The following EPC2 variants were observed in gnomAD, a reference collection of about 807,000 sequenced individuals.
The protein encoded by EPC2 is enhancer of polycomb homolog 2.
A neutral mutation model predicts 92.1 loss-of-function variants in EPC2; 14 were observed. That is an observed-to-expected ratio of 0.15 (90% CI 0.10 to 0.24). The LOEUF (loss-of-function observed/expected upper bound fraction) is 0.24. Among genes scored for constraint, EPC2 ranks in the 10% least tolerant of loss-of-function variants. The pLI is 1.00. For synonymous variants in EPC2, 340 were observed against 334.7 expected, an observed-to-expected ratio of 1.02 and a Z score of -0.17; for missense variants, 755 against 971.5, an observed-to-expected ratio of 0.78 and a Z score of 2.96.
rs924576168 is a variant in EPC2 at position 148,644,868 on chromosome 2, C to A, written c.-150C>A. 1.5e-6 allele frequency: 1 copy of A among 653,406 alleles called. No individual in the cohort carries two copies. The highest frequency in any genetic ancestry group is 2.5e-6 in the Non-Finnish European group (1 of 395,180). The allele number at this position is 653,406 out of a possible 1,614,324, so 40.5% of individuals were successfully genotyped here. On this transcript the variant is annotated 5_prime_UTR_variant, in exon 1 of 14. Transcript: ENST00000258484. The stretch of plus-strand genomic sequence containing the variant: ...GCTGTTTTCGGGCGGGGTGGGCGCC[C>A]ATGCTGTGGCCGGGGGCAGTGAGGA...
intron 1 of EPC2, among the ~76,000 whole-genome samples, chr2:148,651,935 A>C (rs182901683): frequency 7.4e-4 from 113 of 152,320 alleles, no homozygotes; most frequent in Middle Eastern, 3.4e-3. Context: ...CAGAATTTGC[A>C]CTCAGGCTGA....
At chr2:148,697,928 T>C (rs1003272796) in intron 2 of EPC2, among the ~76,000 whole-genome samples, 2 of 152,188 alleles carry the variant, frequency 1.3e-5, no homozygotes, top group African/African-American at 4.8e-5. Flanking sequence ...AGTTATTGAT[T>C]TCTAAGCCTC....
chr2:148,665,389 C>A (rs1486345395), intron 1 of EPC2, among the ~76,000 whole-genome samples: 1 of 152,048 alleles, frequency 6.6e-6, no homozygotes, highest in Non-Finnish European at 1.5e-5. Context: ...ACTGTCATTT[C>A]CAGTCTCGAG....
chr2:148,705,807 C>G lies in EPC2; in HGVS notation c.313+15434C>G, dbSNP rs532270645. Among the ~76,000 whole-genome samples, 3 of 152,242 alleles carry G rather than the reference C, an allele frequency of 2.0e-5. No homozygotes were observed. In the South Asian group the frequency reaches 6.2e-4, roughly 32 times the overall value. On this transcript the variant is annotated intron_variant, in intron 2 of 13. Coordinates refer to ENST00000258484, the MANE Select transcript of EPC2 (RefSeq NM_015630.4). ...AAACAAAAAGGAACAGCATCAACAT[C>G]AACCAAAAGGACATCCACACCAAAA...
intron 2 of EPC2, among the ~76,000 whole-genome samples, chr2:148,713,608 A>G (rs1300439742): frequency 6.6e-6 from 1 of 152,168 alleles, no homozygotes; most frequent in Non-Finnish European, 1.5e-5. Context: ...ACTCACCTAG[A>G]CAACTTGCCA....
chr2:148,671,340 A>T (rs112423754), intron 1 of EPC2, among the ~76,000 whole-genome samples: 8,172 of 140,872 alleles, frequency 0.058, 741 homozygotes, highest in African/African-American at 0.2. Context: ...TTGGCTGGGC[A>T]TGATGGCTCA....
intron 1 of EPC2, among the ~76,000 whole-genome samples, chr2:148,671,388 C>T (rs572979416): frequency 7.4e-5 from 11 of 147,950 alleles, no homozygotes; most frequent in African/African-American, 2.3e-4. Flanking sequence ...CCGAGGCAGG[C>T]GGATCACTTG....
chr2:148,701,162 T>C (rs1681879390), intron 2 of EPC2, among the ~76,000 whole-genome samples: 1 of 152,234 alleles, frequency 6.6e-6, no homozygotes, highest in African/African-American at 2.4e-5. Flanking sequence ...AGGATATTTT[T>C]AGTCAATTCT....
intron 7 of EPC2, among the ~76,000 whole-genome samples, chr2:148,768,357 T>G (rs1240749670): frequency 6.6e-6 from 1 of 152,242 alleles, no homozygotes; most frequent in African/African-American, 2.4e-5. Flanking sequence ...TAATCTGTTT[T>G]TGTGACATTT....
At position 148,756,558 on chromosome 2, in the gene EPC2, T is replaced by A. The variant is rs558291426; in HGVS notation, c.666+2425T>A. Among the ~76,000 whole-genome samples the A allele has an allele frequency of 2.6e-5, 4 of 152,346 alleles. No individual in the cohort carries two copies. In the South Asian group the frequency reaches 8.3e-4, roughly 32 times the overall value. ...TTGTTTGGCTGTCTGGAATTTAATT[T>A]TAAGTCGCTGAACTAATATTTAATT... is the stretch of plus-strand genomic sequence containing the variant. On this transcript the variant is annotated intron_variant, in intron 4 of 13. Coordinates refer to ENST00000258484, the MANE Select transcript of EPC2 (RefSeq NM_015630.4).
At chr2:148,759,405 A>C (rs868513253) in intron 4 of EPC2, among the ~76,000 whole-genome samples, 3 of 152,196 alleles carry the variant, frequency 2.0e-5, no homozygotes, top group Non-Finnish European at 4.4e-5. Flanking sequence ...AAAAAGTACT[A>C]TTATAATAAA....
At chr2:148,738,482 A>T (rs1393442006) in intron 2 of EPC2, among the ~76,000 whole-genome samples, 1 of 152,248 alleles carries the variant, frequency 6.6e-6, no homozygotes, top group South Asian at 2.1e-4. Flanking sequence ...TGTTGTTATT[A>T]TAAAGCCTTA....
chr2:148,712,920 GC>G (rs1051030226), intron 2 of EPC2, among the ~76,000 whole-genome samples: 2 of 151,780 alleles, frequency 1.3e-5, no homozygotes, highest in Non-Finnish European at 2.9e-5. Context: ...CTAGCCAGGT[GC>G]CATGGTGGCT....
At chr2:148,739,948 G>C (rs554997521) in intron 2 of EPC2, among the ~76,000 whole-genome samples, 159 of 140,002 alleles carry the variant, frequency 1.1e-3, no homozygotes, top group African/African-American at 4.1e-3. Flanking sequence ...TCTTAATTCT[G>C]TTGCTGTACT....
At chr2:148,739,392 A>G (rs142873887) in intron 2 of EPC2, among the ~76,000 whole-genome samples, 1 of 152,114 alleles carries the variant, frequency 6.6e-6, no homozygotes, top group African/African-American at 2.4e-5. Context: ...GGCCCTGGAA[A>G]ATTTTCCTCA....
intron 10 of EPC2, among the ~76,000 whole-genome samples, chr2:148,774,721 A>G (rs1322641569): frequency 6.6e-6 from 1 of 151,542 alleles, no homozygotes; most frequent in African/African-American, 2.4e-5. Context: ...AAAACTAAAG[A>G]CTTTTCATTT....
chr2:148,771,379 G>T lies in EPC2; in HGVS notation c.1712G>T (p.Gly571Val). The T allele has an allele frequency of 6.3e-7, 1 of 1,593,534 alleles. No homozygotes were observed. The highest frequency in any genetic ancestry group is 2.2e-5 in the East Asian group (1 of 44,772). The change falls in exon 10 of 14, where the codon GGC becomes GTC. Residue 571 changes from glycine to valine, a missense_variant. Around this residue, in one of 4 missense-constraint regions of EPC2, gnomAD observed 509 missense variants for 607.7 expected, o/e 0.84. Transcript: ENST00000258484. The part of the protein sequence containing the change: ...SVALLNTSKN[G>V]ISVTGGITEE... The stretch of plus-strand genomic sequence containing the variant: ...GCTTTATTGAACACCAGCAAGAATG[G>T]CATATCAGGTAAGCTGTTGCTGTGT...
intron 3 of EPC2, among the ~76,000 whole-genome samples, chr2:148,748,363 A>G (rs898455628): frequency 6.6e-6 from 1 of 152,102 alleles, no homozygotes; most frequent in Non-Finnish European, 1.5e-5. Flanking sequence ...CTTTATAGCA[A>G]TGCAAGAACA....
chr2:148,765,204 T>A, intron 7 of EPC2, 58 bp downstream of exon 7: 1 of 1,248,198 alleles, frequency 8.0e-7, no homozygotes, highest in Non-Finnish European at 1.1e-6. Flanking sequence ...ATTGCTATAT[T>A]TTTAAAACAA....
Sources: allele counts gnomAD v4.1 joint callset (sites outside exome capture counted in the v4.1 genomes callset), GRCh38; gene constraint gnomAD v4.1.1; regional missense constraint gnomAD v4.1.1; transcripts MANE v1.5; gene names NCBI Gene and HGNC (gene_info 2026-07-23, HGNC 2026-07-21).